ADAMTSL1: variants seen among roughly 807,000 people sequenced by gnomAD.
ADAMTSL1 encodes ADAMTS like 1.
Under a neutral mutation model 201.8 loss-of-function variants are expected in ADAMTSL1, and 126 were observed. That is an observed-to-expected ratio of 0.62 (90% confidence interval 0.54 to 0.72). The LOEUF (loss-of-function observed/expected upper bound fraction) is 0.72. ADAMTSL1 is among the 30% of genes least tolerant of loss of function. The pLI is 0.00. For synonymous variants in ADAMTSL1, 1,121 were observed against 903.4 expected (o/e 1.24, Z -4.32); for missense variants, 2,679 against 2,277.8 (o/e 1.18, Z -3.59).
At chr9:18,340,280 C>T (rs1232226986) in intron 2 of ADAMTSL1, among the ~76,000 whole-genome samples, 1 of 152,188 alleles carries the variant, frequency 6.6e-6, no homozygotes, top group Non-Finnish European at 1.5e-5. Flanking sequence ...ACTCTTCTCA[C>T]TGTATAGTTT....
intron 7 of ADAMTSL1, among the ~76,000 whole-genome samples, chr9:18,645,158 A>T (rs1827718099): frequency 6.6e-6 from 1 of 152,004 alleles, no homozygotes; most frequent in Non-Finnish European, 1.5e-5. Flanking sequence ...GCATTTTTTC[A>T]TGTGTCTTTT....
At chr9:18,831,738 TA>T (rs1415497136) in intron 23 of ADAMTSL1, among the ~76,000 whole-genome samples, 4 of 152,190 alleles carry the variant, frequency 2.6e-5, no homozygotes, top group African/African-American at 9.6e-5. Context: ...TCAGTATTCA[TA>T]AAGTCCCTGA....
chr9:18,846,677 G>T (rs994145095), intron 23 of ADAMTSL1, among the ~76,000 whole-genome samples: 11 of 152,134 alleles, frequency 7.2e-5, no homozygotes, highest in Admixed American at 6.5e-4. Flanking sequence ...GAAGAGGCTA[G>T]ATAGAGTCCC....
intron 23 of ADAMTSL1, among the ~76,000 whole-genome samples, chr9:18,886,209 T>TATAC (rs72219325): frequency 1.7e-5 from 2 of 118,050 alleles, no homozygotes; most frequent in Non-Finnish European, 1.7e-5. Flanking sequence ...TATATATATA[T>TATAC]ATACACACAC....
intron 2 of ADAMTSL1, among the ~76,000 whole-genome samples, chr9:18,451,366 T>A (rs916430631): frequency 4.6e-5 from 7 of 152,228 alleles, no homozygotes; most frequent in Non-Finnish European, 1.0e-4. Context: ...AGTGATTTTA[T>A]GTCTACAATT....
At chr9:18,014,539 G>C (rs1469491047) in intron 1 of ADAMTSL1, among the ~76,000 whole-genome samples, 1 of 152,082 alleles carries the variant, frequency 6.6e-6, no homozygotes, top group Admixed American at 6.6e-5. Context: ...TACACCTTAT[G>C]CATTCAAAAC....
chr9:18,308,038 C>G (rs1833976263), intron 2 of ADAMTSL1, among the ~76,000 whole-genome samples: 1 of 152,122 alleles, frequency 6.6e-6, no homozygotes, highest in Admixed American at 6.5e-5. Context: ...GATTCAGAAA[C>G]TCACTCAAAA....
At chr9:17,928,561 A>G (rs932378491) in intron 1 of ADAMTSL1, among the ~76,000 whole-genome samples, 3 of 152,166 alleles carry the variant, frequency 2.0e-5, no homozygotes, top group Admixed American at 1.3e-4. Flanking sequence ...GATAGGGGAC[A>G]ATATGTTGCT....
chr9:18,249,425 GA>G (rs1420187747), intron 2 of ADAMTSL1, among the ~76,000 whole-genome samples: 4 of 152,082 alleles, frequency 2.6e-5, no homozygotes, highest in Non-Finnish European at 5.9e-5. Flanking sequence ...TACAGAGAGG[GA>G]CATTACATAT....
At chr9:18,511,465 G>A (rs111554477) in intron 2 of ADAMTSL1, among the ~76,000 whole-genome samples, 1,781 of 151,990 alleles carry the variant, frequency 0.012, 29 homozygotes, top group African/African-American at 0.04. Context: ...AAGTTTTTGA[G>A]GTAATACGAT....
intron 2 of ADAMTSL1, among the ~76,000 whole-genome samples, chr9:18,385,740 C>T (rs1229820754): frequency 6.6e-6 from 1 of 152,068 alleles, no homozygotes; most frequent in African/African-American, 2.4e-5. Flanking sequence ...TTCTTAAATC[C>T]TTGATACATG....
chr9:18,695,860 G>A (rs1831518321), intron 13 of ADAMTSL1, among the ~76,000 whole-genome samples: 1 of 152,158 alleles, frequency 6.6e-6, no homozygotes, highest in Non-Finnish European at 1.5e-5. Flanking sequence ...AGGACTACCA[G>A]TACTGGGTAA....
intron 9 of ADAMTSL1, among the ~76,000 whole-genome samples, chr9:18,672,213 C>G (rs1014470367): frequency 1.5e-4 from 23 of 150,782 alleles, no homozygotes; most frequent in African/African-American, 5.6e-4. Flanking sequence ...ACTGGGGACT[C>G]TGTTCTAAAG....
intron 2 of ADAMTSL1, among the ~76,000 whole-genome samples, chr9:18,367,134 T>C (rs1189572075): frequency 6.6e-6 from 1 of 152,196 alleles, no homozygotes; most frequent in Non-Finnish European, 1.5e-5. Flanking sequence ...TTTTTCCACC[T>C]ACCAAAGTAA....
intron 2 of ADAMTSL1, among the ~76,000 whole-genome samples, chr9:18,419,816 G>A (rs963361222): frequency 7.0e-6 from 1 of 143,362 alleles, no homozygotes; most frequent in Non-Finnish European, 1.5e-5. Flanking sequence ...TGCAACCTCC[G>A]CCTCCCAGGT....
intron 1 of ADAMTSL1, among the ~76,000 whole-genome samples, chr9:18,156,507 C>A (rs1003807689): frequency 6.6e-6 from 1 of 151,968 alleles, no homozygotes; most frequent in Non-Finnish European, 1.5e-5. Context: ...TGTATGTAGA[C>A]ATTTTTATGT....
chr9:18,693,361 G>A (rs1831351273), intron 13 of ADAMTSL1, among the ~76,000 whole-genome samples: 1 of 152,174 alleles, frequency 6.6e-6, no homozygotes, highest in Non-Finnish European at 1.5e-5. Context: ...ATGAAATTCG[G>A]CCGGCATATA....
At chr9:18,356,592 A>G (rs1264230759) in intron 2 of ADAMTSL1, among the ~76,000 whole-genome samples, 1 of 119,628 alleles carries the variant, frequency 8.4e-6, no homozygotes, top group African/African-American at 3.2e-5. Context: ...GCAGCTACTC[A>G]ATACACAATA....
At chr9:18,002,602 A>G (rs1367596951) in intron 1 of ADAMTSL1, among the ~76,000 whole-genome samples, 1 of 152,058 alleles carries the variant, frequency 6.6e-6, no homozygotes, top group African/African-American at 2.4e-5. Flanking sequence ...AGTGATTCCA[A>G]GCTCTGCCAT....
Sources: gnomAD v4.1 joint callset for allele counts (sites outside exome capture counted in the v4.1 genomes callset) on GRCh38, gnomAD v4.1.1 for gene constraint, MANE v1.5 for transcripts, NCBI Gene and HGNC (gene_info 2026-07-23, HGNC 2026-07-21) for gene names.